Variants in UBE2Z observed in about 807,000 individuals in gnomAD.
The protein encoded by UBE2Z is ubiquitin conjugating enzyme E2 Z, also known as ubiquitin-conjugating enzyme E2 Z.
UBE2Z carries 10 observed loss-of-function variants against 32.6 expected under a neutral mutation model. The observed-to-expected ratio is 0.31, with a 90% CI of 0.19 to 0.52. The LOEUF is 0.52. Ranked by LOEUF, UBE2Z falls within the 20% of genes least tolerant of loss-of-function variation. The pLI is 0.97. For synonymous variants in UBE2Z, 183 were observed against 190.8 expected (o/e 0.96, Z 0.34); for missense variants, 343 against 480.9 (o/e 0.71, Z 2.68).
chr17:48,921,168 T>C lies in UBE2Z; in HGVS notation c.699T>C (p.His233=). ...CATCTGTTACATTATAGGAGAGACA[T>C]CCAGGAGACAGCAAAAACTATAATG... The part of the protein sequence containing the change: ...HNEPGFEQER[H]PGDSKNYNEC... Residue 233 remains histidine, a synonymous_variant, in exon 5 of 7, where the codon CAT becomes CAC. Transcript: ENST00000360943. 1.9e-6 allele frequency: 3 copies of C among 1,610,408 alleles called. No individual in the cohort carries two copies. The East Asian group carries it at 6.7e-5, about 36-fold the overall frequency.
rs576684242 is a variant in UBE2Z at position 48,914,790 on chromosome 17, C to G, written c.579-1286C>G. Among the ~76,000 whole-genome samples the G allele has an allele frequency of 1.1e-3, 164 of 152,186 alleles. 1 individual carries two copies. The highest frequency in any genetic ancestry group is 3.9e-3 in the African/African-American group (160 of 41,540). On this transcript the variant is annotated intron_variant, in intron 3 of 6. Coordinates refer to ENST00000360943, the MANE Select transcript of UBE2Z (RefSeq NM_023079.5). ...CTGTAATCCCAGCACTTTGGGAGGC[C>G]GAGGCGGGTGGATCACCTGAGGTCA...
chr17:48,923,381 A>T (rs561990230), intron 6 of UBE2Z, among the ~76,000 whole-genome samples: 142 of 151,250 alleles, frequency 9.4e-4, no homozygotes, highest in African/African-American at 3.4e-3. Context: ...CTGTAATCCC[A>T]GCACTTTGGG....
chr17:48,912,976 A>G lies in UBE2Z; in HGVS notation c.533A>G (p.Asn178Ser). Residue 178 changes from asparagine (N) to serine (S), a missense_variant, in exon 3 of 7, where the codon AAC becomes AGC. Physicochemically the swap from Asn to Ser is conservative, Grantham distance 46 (BLOSUM62 1). Coordinates refer to ENST00000360943, the MANE Select transcript of UBE2Z (RefSeq NM_023079.5). ...ACGGGCAATAACACAGTGAGGTTTAACCCCAACTTCTACCGCAATGGGAAA... is the reference window on the plus strand; with the variant it reads ...ACGGGCAATAACACAGTGAGGTTTAGCCCCAACTTCTACCGCAATGGGAAA... ...MTTGNNTVRF[N>S]PNFYRNGKVC... 1 of 1,613,832 alleles carries G rather than the reference A, an allele frequency of 6.2e-7. No homozygotes were observed.
chr17:48,921,077 C>T, intron 4 of UBE2Z, 83 bp from the exon 5 acceptor site: 1 of 1,094,180 alleles, frequency 9.1e-7, no homozygotes, highest in South Asian at 1.4e-5. Context: ...GGCTGACATA[C>T]CCCATACTAA....
At chr17:48,926,887 A>C in intron 6 of UBE2Z, 77 bp from the exon 7 acceptor site, 1 of 1,465,604 alleles carries the variant, frequency 6.8e-7, no homozygotes, top group Non-Finnish European at 9.2e-7. Flanking sequence ...TTCATTTCAC[A>C]TGGGCCCGAA....
At chr17:48,908,940 T>G in intron 1 of UBE2Z, 120 bp downstream of exon 1, 2 of 680,132 alleles carry the variant, frequency 2.9e-6, no homozygotes, top group Non-Finnish European at 4.0e-6. Context: ...GCGGCCCACC[T>G]CCACGGCCCA....
At chr17:48,924,636 A>G (rs1278272574) in intron 6 of UBE2Z, among the ~76,000 whole-genome samples, 2 of 152,142 alleles carry the variant, frequency 1.3e-5, no homozygotes, top group African/African-American at 2.4e-5. Context: ...TCTTGAGGCC[A>G]GGAGTCCAAG....
In UBE2Z at chr17:48,913,365, G is replaced by T. The variant is rs546614188; in HGVS notation, c.578+344G>T. On this transcript the variant is annotated intron_variant, in intron 3 of 6. Coordinates refer to ENST00000360943, the MANE Select transcript of UBE2Z (RefSeq NM_023079.5). ...CTGGTTTTTTTGGTTGTTGTTTTTTGTTTGTTTTGAGACGGAGTCTTGCTC... is the reference window on the plus strand; with the variant it reads ...CTGGTTTTTTTGGTTGTTGTTTTTTTTTTGTTTTGAGACGGAGTCTTGCTC... Among the ~76,000 whole-genome samples, 172 of 152,142 alleles carry T rather than the reference G, an allele frequency of 1.1e-3. 1 individual carries two copies. The highest frequency in any genetic ancestry group is 4.0e-3 in the African/African-American group (165 of 41,546).
At chr17:48,910,673 C>A in intron 1 of UBE2Z, 135 bp from the exon 2 acceptor site, 1 of 728,304 alleles carries the variant, frequency 1.4e-6, no homozygotes, top group Non-Finnish European at 2.5e-6. Flanking sequence ...CAAGACAGTA[C>A]AAACACTTGC....
intron 1 of UBE2Z, among the ~76,000 whole-genome samples, chr17:48,909,367 T>G (rs1273660776): frequency 6.6e-6 from 1 of 151,944 alleles, no homozygotes; most frequent in African/African-American, 2.4e-5. Flanking sequence ...CACAGTCTTT[T>G]CCCAGGTCTA....
In UBE2Z at chr17:48,908,796, C is replaced by T; in HGVS notation, c.293C>T (p.Pro98Leu). The T allele has an allele frequency of 6.6e-7, 1 of 1,507,754 alleles. No homozygotes were observed. The highest frequency in any genetic ancestry group is 8.8e-7 in the Non-Finnish European group (1 of 1,133,232). 93.4% of individuals were successfully genotyped at this position (1,507,754 alleles called of 1,614,324 possible). A position where few individuals can be genotyped will look rare whatever the true frequency, so the allele number is the denominator to read the frequency against. ...SSDWDGERTA[P>L]QCLLRIKRDI... ...GACTGGGACGGCGAGCGCACCGCGC[C>T]GCAGTGTCTACTCCGGATCAAGCGG... The change falls in exon 1 of 7, where the codon CCG becomes CTG. Residue 98 changes from proline (P) to leucine (L), a missense_variant. Physicochemically the swap from Pro to Leu is moderately conservative, Grantham distance 98. Coordinates refer to ENST00000360943, the MANE Select transcript of UBE2Z (RefSeq NM_023079.5).
At position 48,916,258 on chromosome 17, in the gene UBE2Z, G is replaced by GTTTTTTTTTTTTTTT. The variant is rs371253123; in HGVS notation, c.690+72_690+86dup. 2.8e-4 allele frequency: 116 copies of GTTTTTTTTTTTTTTT among 418,934 alleles called. 10 individuals carry two copies. The highest frequency in any genetic ancestry group is 9.8e-4 in the East Asian group (18 of 18,450). The allele number at this position is 418,934 out of a possible 1,614,324, so 26.0% of individuals were successfully genotyped here. On this transcript the variant is annotated intron_variant, in intron 4 of 6. Coordinates refer to ENST00000360943, the MANE Select transcript of UBE2Z (RefSeq NM_023079.5). Reference sequence around the variant, plus strand: ...GTTTGTTTGGTTGGTTGGTTTTTTTGTTTTTTTTTTTTTTTGAGACAGAGT... The same window carrying GTTTTTTTTTTTTTTT: ...GTTTGTTTGGTTGGTTGGTTTTTTTGTTTTTTTTTTTTTTTTTTTTTTTTTTTTTTGAGACAGAGT...
intron 5 of UBE2Z, among the ~76,000 whole-genome samples, chr17:48,922,147 G>T (rs182819801): frequency 2.6e-5 from 4 of 152,286 alleles, no homozygotes; most frequent in African/African-American, 9.6e-5. Flanking sequence ...CCAGCACTTT[G>T]GGAGGCCAAG....
At position 48,910,863 on chromosome 17, in the gene UBE2Z, A is replaced by G; in HGVS notation, c.373A>G (p.Thr125Ala). 8.1e-6 allele frequency: 13 copies of G among 1,613,344 alleles called. No homozygotes were observed. Among genetic ancestry groups the G allele is most frequent in the Non-Finnish European group, 1.1e-5 (13 of 1,179,564 alleles). Residue 125 changes from threonine to alanine, a missense_variant, in exon 2 of 7, where the codon ACT becomes GCT. Transcript: ENST00000360943. ...PPPGMFVVPDTVDMTKIHALI... is the reference protein window; with the variant it reads ...PPPGMFVVPDAVDMTKIHALI... ...TCCAGGAATGTTCGTTGTACCTGAT[A>G]CTGTTGACATGACTAAGGTATGTAA...
intron 4 of UBE2Z, 118 bp downstream of exon 4, chr17:48,916,305 T>G (rs4597361): frequency 0.46 from 225,335 of 495,172 alleles, 57,148 homozygotes; most frequent in East Asian, 0.7. Context: ...ACCTAGGCTG[T>G]AGTGCAGTGG....
chr17:48,910,081 C>T lies in UBE2Z; in HGVS notation c.318-727C>T, dbSNP rs144203208. 5.8e-3 allele frequency among the ~76,000 whole-genome samples: 888 copies of T among 152,244 alleles called. 8 individuals carry two copies. Among genetic ancestry groups the T allele is most frequent in the African/African-American group, 0.02 (850 of 41,556 alleles). The stretch of plus-strand genomic sequence containing the variant: ...TGCCCTTTTTATGTCCCTACCCACC[C>T]TAGCAAGTCCCTAGGCTTTTCGCCA... On this transcript the variant is annotated intron_variant, in intron 1 of 6. Transcript: ENST00000360943.
chr17:48,910,890 TTGA>T lies in UBE2Z; in HGVS notation c.390+13_390+15del, dbSNP rs776385345. Reference sequence around the variant, plus strand: ...TGTTGACATGACTAAGGTATGTAACTTGATGGGGGTTTGGGGGGTTTTGGGAAA... The same window carrying T: ...TGTTGACATGACTAAGGTATGTAACTTGGGGGTTTGGGGGGTTTTGGGAAA... On this transcript the variant is annotated intron_variant, in intron 2 of 6. Coordinates refer to ENST00000360943, the MANE Select transcript of UBE2Z (RefSeq NM_023079.5). 2.5e-6 allele frequency: 4 copies of T among 1,611,966 alleles called. No individual in the cohort carries two copies. The East Asian group carries it at 8.9e-5, about 36-fold the overall frequency.
intron 3 of UBE2Z, among the ~76,000 whole-genome samples, chr17:48,913,557 G>T (rs1334961112): frequency 6.6e-6 from 1 of 152,300 alleles, no homozygotes; most frequent in Non-Finnish European, 1.5e-5. Context: ...GTTTCACCAT[G>T]TTGGCCAGGA....
At chr17:48,908,935 C>T in intron 1 of UBE2Z, 115 bp downstream of exon 1, 1 of 854,720 alleles carries the variant, frequency 1.2e-6, no homozygotes, top group Non-Finnish European at 1.6e-6. Flanking sequence ...TCGCGGCGGC[C>T]CACCTCCACG....
Sources: allele counts gnomAD v4.1 joint callset (sites outside exome capture counted in the v4.1 genomes callset), GRCh38; gene constraint gnomAD v4.1.1; transcripts MANE v1.5; gene names NCBI Gene and HGNC (gene_info 2026-07-23, HGNC 2026-07-21).